Variants in TEX101 observed in about 807,000 individuals in gnomAD.
The protein encoded by TEX101 is testis-expressed protein 101.
TEX101 carries 10 observed loss-of-function variants against 18.1 expected under a neutral mutation model. That is an observed-to-expected ratio of 0.55 (90% CI 0.34 to 0.94). The LOEUF (loss-of-function observed/expected upper bound fraction) is 0.94. Ranked by LOEUF, TEX101 falls within the 40% of genes least tolerant of loss-of-function variation. The pLI is 0.02. For synonymous variants in TEX101, 94 were observed against 114.8 expected (o/e 0.82, Z 1.16); for missense variants, 259 against 298.9 (o/e 0.87, Z 0.98).
At chr19:43,397,921 A>G (rs1393956792), upstream of TEX101, among the ~76,000 whole-genome samples, 1 of 21,152 alleles carries the variant, frequency 4.7e-5, no homozygotes, top group Non-Finnish European at 8.4e-5. Flanking sequence ...AATATATATT[A>G]TATATAAATA....
the TEX101 span, among the ~76,000 whole-genome samples, chr19:43,395,898 ATCCTCCT>A: frequency 6.6e-6 from 1 of 152,098 alleles, no homozygotes; most frequent in Non-Finnish European, 1.5e-5. Flanking sequence ...CTTTACGCCA[ATCCTCCT>A]TCAGCTTCTC....
chr19:43,414,132 A>C (rs1970444813), upstream of TEX101, among the ~76,000 whole-genome samples: 1 of 124,352 alleles, frequency 8.0e-6, no homozygotes. Context: ...CAAAAAGGGA[A>C]GGGAAGGGGA....
At chr19:43,409,406 G>A (rs1016312580) in intron 3 of TEX101, among the ~76,000 whole-genome samples, 2 of 152,174 alleles carry the variant, frequency 1.3e-5, no homozygotes, top group African/African-American at 4.8e-5. Flanking sequence ...TAAAGTAGTA[G>A]GGAGGCAGCT....
At chr19:43,417,118 C>G (rs1970488616) in intron 4 of TEX101, among the ~76,000 whole-genome samples, 1 of 151,720 alleles carries the variant, frequency 6.6e-6, no homozygotes, top group African/African-American at 2.4e-5. Flanking sequence ...TGGTTTCCCA[C>G]TGCTGCACGA....
At chr19:43,390,873 T>C in the TEX101 span, among the ~76,000 whole-genome samples, 1 of 150,846 alleles carries the variant, frequency 6.6e-6, no homozygotes, top group Non-Finnish European at 1.5e-5. Context: ...ATTCCCCAAC[T>C]GGAATTCTTT....
At chr19:43,390,806 C>T in the TEX101 span, among the ~76,000 whole-genome samples, 4 of 151,546 alleles carry the variant, frequency 2.6e-5, no homozygotes, top group African/African-American at 9.7e-5. Flanking sequence ...GGCAGGAGTA[C>T]ATTTAGGTTG....
At chr19:43,402,299 GTGAT>G (rs1233898251) in intron 1 of TEX101, among the ~76,000 whole-genome samples, 2 of 152,188 alleles carry the variant, frequency 1.3e-5, no homozygotes, top group African/African-American at 2.4e-5. Context: ...AGTTCTCTGT[GTGAT>G]TGATTATTAA....
In TEX101 at chr19:43,416,201, A is replaced by T; in HGVS notation, c.167A>T (p.Lys56Ile). Residue 56 changes from lysine to isoleucine, a missense_variant, in exon 3 of 6, where the codon AAA (lysine) becomes ATA (isoleucine). Lys to Ile is a moderately radical substitution (Grantham distance 102, BLOSUM62 -3). Coordinates refer to ENST00000598265, the MANE Select transcript of TEX101 (RefSeq NM_001130011.3). Reference sequence around the variant, plus strand: ...ACAGAGGAAGTGGAGACTTGTGACAAAGGGGCACTTTGCCAGGAAACCATA... The same window carrying T: ...ACAGAGGAAGTGGAGACTTGTGACATAGGGGCACTTTGCCAGGAAACCATA... ...WTTEEVETCD[K>I]GALCQETILI... is the part of the protein sequence containing the mutation. 1 of 1,612,134 alleles carries T rather than the reference A, an allele frequency of 6.2e-7. No homozygotes were observed. The highest frequency in any genetic ancestry group is 8.5e-7 in the Non-Finnish European group (1 of 1,179,486).
intron 3 of TEX101, among the ~76,000 whole-genome samples, chr19:43,408,129 C>T (rs1056271734): frequency 2.6e-5 from 4 of 152,204 alleles, no homozygotes; most frequent in African/African-American, 9.6e-5. Context: ...GACGTCTCTC[C>T]CGTGAGCCTG....
rs1970457202 is a variant in TEX101, at chr19:43,414,986, T to C, written c.-92T>C. ...TCTGCCTGGAAGCCGGCAGCAATTT[T>C]GCTTCTTTAAAGAGAAAAAGAAGGC... On this transcript the variant is annotated 5_prime_UTR_variant, in exon 1 of 6. Transcript: ENST00000598265. 2.0e-6 allele frequency: 2 copies of C among 985,306 alleles called. No individual in the cohort carries two copies. The highest frequency in any genetic ancestry group is 3.5e-5 in the African/African-American group (2 of 57,240). The allele number at this position is 985,306 out of a possible 1,614,324, so 61.0% of individuals were successfully genotyped here.
chr19:43,401,724 A>C (rs1431594208), intron 1 of TEX101, among the ~76,000 whole-genome samples: 1 of 152,124 alleles, frequency 6.6e-6, no homozygotes. Context: ...GTGGTAGCAA[A>C]TGCCTGTAAT....
At position 43,418,584 on chromosome 19, in the gene TEX101, C is replaced by T. The variant is rs1219946558; in HGVS notation, c.*187C>T. On this transcript the variant is annotated 3_prime_UTR_variant, in exon 6 of 6. Coordinates refer to ENST00000598265, the MANE Select transcript of TEX101 (RefSeq NM_001130011.3). The stretch of plus-strand genomic sequence containing the variant: ...GTATGCAGTAGGCGTTACTAATAAA[C>T]ATTTCTGCTGTGATTTGTGTATGTT... The T allele has an allele frequency of 1.7e-6, 1 of 575,132 alleles. No homozygotes were observed. The highest frequency in any genetic ancestry group is 3.0e-6 in the Non-Finnish European group (1 of 328,706). The allele number at this position is 575,132 out of a possible 1,614,324, so 35.6% of individuals were successfully genotyped here. A position where few individuals can be genotyped will look rare whatever the true frequency, so the allele number is the denominator to read the frequency against.
At chr19:43,413,309 G>A (rs974581116), upstream of TEX101, among the ~76,000 whole-genome samples, 6 of 151,958 alleles carry the variant, frequency 3.9e-5, no homozygotes, top group Non-Finnish European at 5.9e-5. Context: ...AGACCATCCT[G>A]GCTAACACAG....
chr19:43,406,081 C>CAAAAAAAAAAAAAAA lies in TEX101; in HGVS notation c.-282-136_-282-122dup, dbSNP rs34029449. On this transcript the variant is annotated intron_variant, in intron 2 of 7. Coordinates refer to the TEX101 transcript ENST00000602198. ...ACAACATAAGGAGACCCTGTCTCTA[C>CAAAAAAAAAAAAAAA]AAAAAAAAAAAAAAAAAAAAGCCAG... 195 of 58,792 alleles carry CAAAAAAAAAAAAAAA rather than the reference C, an allele frequency of 3.3e-3. 29 individuals carry two copies. The highest frequency in any genetic ancestry group is 0.014 in the East Asian group (24 of 1,726). The allele number at this position is 58,792 out of a possible 1,614,324, so 3.6% of individuals were successfully genotyped here. A position where few individuals can be genotyped will look rare whatever the true frequency, so the allele number is the denominator to read the frequency against.
At position 43,402,183 on chromosome 19, in the gene TEX101, A is replaced by C. The variant is rs1426957699; in HGVS notation, c.-376-583A>C. ...ATAATTTACAACTGAACCAGTATGA[A>C]TATGTCCCTTTATGTATACAGAAGT... On this transcript the variant is annotated intron_variant, in intron 1 of 7. Coordinates refer to the TEX101 transcript ENST00000602198. 5.3e-5 allele frequency among the ~76,000 whole-genome samples: 8 copies of C among 152,278 alleles called. No individual in the cohort carries two copies. In the East Asian group the frequency reaches 9.6e-4, roughly 18 times the overall value.
chr19:43,415,525 G>C (rs113500998), intron 1 of TEX101, among the ~76,000 whole-genome samples: 3 of 152,104 alleles, frequency 2.0e-5, no homozygotes, highest in African/African-American at 7.2e-5. Flanking sequence ...ACTATGGGGG[G>C]ACGAGGCGGG....
the TEX101 span, among the ~76,000 whole-genome samples, chr19:43,389,019 C>T: frequency 6.6e-6 from 1 of 152,136 alleles, no homozygotes; most frequent in Non-Finnish European, 1.5e-5. Flanking sequence ...GGCATCGTAG[C>T]TTCCCTCCCT....
intron 3 of TEX101, among the ~76,000 whole-genome samples, chr19:43,409,596 G>A (rs1367875380): frequency 2.7e-5 from 4 of 149,398 alleles, no homozygotes; most frequent in South Asian, 2.1e-4. Flanking sequence ...GTAAGCACAA[G>A]AAAGTTGAAG....
the TEX101 span, among the ~76,000 whole-genome samples, chr19:43,396,356 TATTA>T: frequency 6.6e-6 from 1 of 152,276 alleles, no homozygotes; most frequent in Non-Finnish European, 1.5e-5. Context: ...GCCCTTGCAC[TATTA>T]TTTACTCAAA....
Sources: allele counts gnomAD v4.1 joint callset (sites outside exome capture counted in the v4.1 genomes callset), GRCh38; gene constraint gnomAD v4.1.1; transcripts MANE v1.5; gene names NCBI Gene and HGNC (gene_info 2026-07-23, HGNC 2026-07-21).